Variants in CTNNA2 observed in about 807,000 individuals in gnomAD.
The protein encoded by CTNNA2 is catenin alpha 2, also known as catenin alpha-2.
In CTNNA2, 42 loss-of-function variants were observed where a neutral mutation model predicts 101.0. The observed-to-expected ratio is 0.42, with a 90% CI of 0.32 to 0.54. CTNNA2 has a LOEUF of 0.54. CTNNA2 is among the 20% of genes least tolerant of loss of function. The pLI is 0.14. For synonymous variants in CTNNA2, 450 were observed against 456.4 expected (o/e 0.99, Z 0.18); for missense variants, 871 against 1,223.1 (o/e 0.71, Z 4.29).
At chr2:79,359,114 G>A (rs1199818380) in intron 3 of CTNNA2, among the ~76,000 whole-genome samples, 1 of 152,062 alleles carries the variant, frequency 6.6e-6, no homozygotes, top group African/African-American at 2.4e-5. Flanking sequence ...ATAAAAAGAT[G>A]GGACATGAAA....
At chr2:79,449,958 G>T (rs777245286) in intron 4 of CTNNA2, among the ~76,000 whole-genome samples, 2 of 151,940 alleles carry the variant, frequency 1.3e-5, no homozygotes, top group African/African-American at 2.4e-5. Flanking sequence ...AGTCTCGAAC[G>T]CACAGATATT....
At chr2:79,745,812 T>C (rs1331438506) in intron 3 of CTNNA2, among the ~76,000 whole-genome samples, 1 of 152,190 alleles carries the variant, frequency 6.6e-6, no homozygotes, top group Non-Finnish European at 1.5e-5. Flanking sequence ...CATTCACGGA[T>C]GTTTGGGTTG....
chr2:79,969,800 A>G (rs965016405), intron 7 of CTNNA2, among the ~76,000 whole-genome samples: 1 of 152,182 alleles, frequency 6.6e-6, no homozygotes, highest in African/African-American at 2.4e-5. Context: ...ATTAAATCGG[A>G]AACACTTTTT....
chr2:79,659,645 T>C (rs1228297098), intron 2 of CTNNA2, among the ~76,000 whole-genome samples: 3 of 152,220 alleles, frequency 2.0e-5, no homozygotes, highest in Non-Finnish European at 4.4e-5. Context: ...GGTTCCATTT[T>C]CATTTTTGAA....
chr2:80,149,842 T>A (rs904552468), intron 7 of CTNNA2, among the ~76,000 whole-genome samples: 3 of 151,678 alleles, frequency 2.0e-5, no homozygotes, highest in South Asian at 2.1e-4. Flanking sequence ...GAAAGTTTAT[T>A]AGACAATGAC....
chr2:80,497,050 G>A (rs1013936793), intron 9 of CTNNA2, among the ~76,000 whole-genome samples: 1 of 152,152 alleles, frequency 6.6e-6, no homozygotes, highest in Non-Finnish European at 1.5e-5. Flanking sequence ...TGAAGGAGGA[G>A]CATTTGCATT....
At chr2:79,808,815 G>T (rs1469252189) in intron 3 of CTNNA2, among the ~76,000 whole-genome samples, 1 of 151,138 alleles carries the variant, frequency 6.6e-6, no homozygotes, top group Non-Finnish European at 1.5e-5. Flanking sequence ...TATACTTTAA[G>T]TTCTGGGATA....
chr2:79,778,267 G>GC (rs5832407), intron 3 of CTNNA2, among the ~76,000 whole-genome samples: 66,756 of 151,342 alleles, frequency 0.44, 18,557 homozygotes, highest in African/African-American at 0.77. Context: ...AATGGCTTGA[G>GC]ACGCCAGGTG....
chr2:80,564,526 T>A lies in CTNNA2; in HGVS notation c.1741+8633T>A, dbSNP rs961714585. Among the ~76,000 whole-genome samples the A allele has an allele frequency of 7.0e-5, 10 of 142,968 alleles. 1 individual carries two copies. Among genetic ancestry groups the A allele is most frequent in the Admixed American group, 6.2e-4 (9 of 14,426 alleles). The allele number at this position is 142,968 out of a possible 152,430, so 93.8% of individuals were successfully genotyped here. ...TTTAGAGAGTTTTTTTTTTTTTTTT[T>A]ACCCCCTCCTTCTAGGCAGTCCTTC... On this transcript the variant is annotated intron_variant, in intron 12 of 18. Coordinates refer to ENST00000402739, the MANE Select transcript of CTNNA2 (RefSeq NM_001282597.3).
chr2:80,498,802 G>T (rs991846424), intron 9 of CTNNA2, among the ~76,000 whole-genome samples: 8 of 152,160 alleles, frequency 5.3e-5, no homozygotes, highest in Non-Finnish European at 1.2e-4. Context: ...GGGGGTGCTG[G>T]ATTTGAATAT....
At chr2:80,212,449 G>A (rs1467136786) in intron 7 of CTNNA2, among the ~76,000 whole-genome samples, 4 of 152,132 alleles carry the variant, frequency 2.6e-5, no homozygotes, top group Middle Eastern at 3.2e-3. Context: ...TTTTGTCAAA[G>A]GCCTTTTCTG....
intron 7 of CTNNA2, among the ~76,000 whole-genome samples, chr2:80,106,600 C>T (rs1191887750): frequency 6.6e-6 from 1 of 152,148 alleles, no homozygotes; most frequent in Non-Finnish European, 1.5e-5. Context: ...TTACTATCCT[C>T]GTTCTCTGTA....
intron 2 of CTNNA2, chr2:79,281,377 A>C (rs6547228): frequency 0.77 from 117,399 of 152,094 alleles, 45,433 homozygotes; most frequent in East Asian, 0.88. Flanking sequence ...CCTCCCCTTT[A>C]ACGGCTCCAT....
chr2:79,497,205 T>C (rs973660215), intron 4 of CTNNA2, among the ~76,000 whole-genome samples: 1 of 152,236 alleles, frequency 6.6e-6, no homozygotes, highest in Non-Finnish European at 1.5e-5. Flanking sequence ...GTTCTTTACA[T>C]GGAGACCGTA....
chr2:79,882,174 T>C (rs763200546), intron 6 of CTNNA2, among the ~76,000 whole-genome samples: 1 of 152,188 alleles, frequency 6.6e-6, no homozygotes, highest in Non-Finnish European at 1.5e-5. Flanking sequence ...CTGAGGAGTC[T>C]GCTGTTAGTC....
intron 12 of CTNNA2, among the ~76,000 whole-genome samples, chr2:80,569,471 G>C (rs948225040): frequency 4.0e-5 from 6 of 151,848 alleles, no homozygotes; most frequent in African/African-American, 1.5e-4. Context: ...GCAGAAAGAA[G>C]CTTCTATTTA....
chr2:80,509,415 T>C (rs1388726167), intron 9 of CTNNA2, among the ~76,000 whole-genome samples: 3 of 152,176 alleles, frequency 2.0e-5, no homozygotes, highest in Non-Finnish European at 2.9e-5. Context: ...TGATACACCA[T>C]GAAGTAATAC....
At chr2:79,247,523 AT>A (rs201530481) in intron 2 of CTNNA2, among the ~76,000 whole-genome samples, 1 of 152,236 alleles carries the variant, frequency 6.6e-6, no homozygotes, top group African/African-American at 2.4e-5. Flanking sequence ...TGTCCTGATT[AT>A]TTTTTTGTCT....
At chr2:80,199,618 G>A (rs1407879082) in intron 7 of CTNNA2, among the ~76,000 whole-genome samples, 1 of 152,200 alleles carries the variant, frequency 6.6e-6, no homozygotes, top group Non-Finnish European at 1.5e-5. Flanking sequence ...AAAGGAGAAA[G>A]GCAGAGAAAA....
Sources: allele counts gnomAD v4.1 joint callset (sites outside exome capture counted in the v4.1 genomes callset), GRCh38; gene constraint gnomAD v4.1.1; transcripts MANE v1.5; gene names NCBI Gene and HGNC (gene_info 2026-07-23, HGNC 2026-07-21).